RASA2: variants seen among roughly 807,000 people sequenced by gnomAD.
The protein encoded by RASA2 is RAS p21 protein activator 2, also known as ras GTPase-activating protein 2.
Under a neutral mutation model 118.2 loss-of-function variants are expected in RASA2, and 155 were observed. That is an observed-to-expected ratio of 1.31 (90% CI 1.15 to 1.50). RASA2 has a LOEUF of 1.50. RASA2 is among the 40% of genes most tolerant of loss of function. The pLI is 0.00. For missense variants in RASA2, 1,016 were observed against 1,009.6 expected, an observed-to-expected ratio of 1.01 and a Z score of -0.09; for synonymous variants, 353 against 349.1, an observed-to-expected ratio of 1.01 and a Z score of -0.12.
chr3:141,500,730 A>G (rs1430555544), intron 1 of RASA2, among the ~76,000 whole-genome samples: 1 of 152,226 alleles, frequency 6.6e-6, no homozygotes, highest in Non-Finnish European at 1.5e-5. Context: ...ATTCATACTT[A>G]CATGTATATC....
At chr3:141,514,263 T>C (rs720663) in intron 2 of RASA2, among the ~76,000 whole-genome samples, 38,506 of 152,094 alleles carry the variant, frequency 0.25, 5,474 homozygotes, top group Non-Finnish European at 0.32. Context: ...TAAACAGATA[T>C]TTCAGAAAAG....
chr3:141,575,292 G>A (rs930524466), intron 14 of RASA2, among the ~76,000 whole-genome samples: 1 of 152,198 alleles, frequency 6.6e-6, no homozygotes, highest in African/African-American at 2.4e-5. Flanking sequence ...CTAAATTAGT[G>A]GGGCTGAGTT....
chr3:141,499,660 T>C (rs1382617797), intron 1 of RASA2, among the ~76,000 whole-genome samples: 2 of 152,100 alleles, frequency 1.3e-5, no homozygotes, highest in Non-Finnish European at 2.9e-5. Context: ...AGTGCAGTGG[T>C]GCGATCTCAG....
At chr3:141,578,202 A>G (rs895994395) in intron 15 of RASA2, among the ~76,000 whole-genome samples, 12 of 152,228 alleles carry the variant, frequency 7.9e-5, no homozygotes, top group African/African-American at 2.9e-4. Context: ...AACTTTTCCA[A>G]GCTCACACAA....
At chr3:141,562,874 T>C (rs565981072) in intron 9 of RASA2, among the ~76,000 whole-genome samples, 1 of 152,038 alleles carries the variant, frequency 6.6e-6, no homozygotes, top group Non-Finnish European at 1.5e-5. Context: ...GGTTTCACCA[T>C]GTTCACCAGG....
chr3:141,516,731 A>T (rs2082032838), intron 3 of RASA2, among the ~76,000 whole-genome samples: 1 of 150,776 alleles, frequency 6.6e-6, no homozygotes, highest in Non-Finnish European at 1.5e-5. Flanking sequence ...TTTCATATCT[A>T]GGTTCTCTAG....
Position 141,613,118 on chromosome 3 carries a change from A to G in RASA2, c.*805A>G, listed in dbSNP as rs2083677336. On this transcript the variant is annotated 3_prime_UTR_variant, in exon 24 of 24. Coordinates refer to ENST00000286364, the MANE Select transcript of RASA2 (RefSeq NM_006506.5). ...TCTTCAAAAAGAAAGTAAACAGGGA[A>G]TGAAGGTGGTGGGAAAATCACTTCA... is the stretch of plus-strand genomic sequence containing the variant. 1 of 152,200 alleles carries G rather than the reference A, an allele frequency of 6.6e-6. No individual in the cohort carries two copies. Among genetic ancestry groups the G allele is most frequent in the South Asian group, 2.1e-4 (1 of 4,822 alleles). 9.4% of individuals were successfully genotyped at this position (152,200 alleles called of 1,614,324 possible). A position where few individuals can be genotyped will look rare whatever the true frequency, so the allele number is the denominator to read the frequency against.
At chr3:141,544,162 C>T (rs572213365) in intron 5 of RASA2, among the ~76,000 whole-genome samples, 90 of 152,214 alleles carry the variant, frequency 5.9e-4, no homozygotes, top group African/African-American at 2.1e-3. Flanking sequence ...AGGTGTAAGC[C>T]ACCACGCCCA....
chr3:141,540,474 C>A, intron 4 of RASA2, 59 bp from the exon 5 acceptor site: 1 of 1,393,624 alleles, frequency 7.2e-7, no homozygotes, highest in South Asian at 1.2e-5. Flanking sequence ...AAGGCACATA[C>A]CTTTAATATT....
At chr3:141,590,475 A>G (rs994101312) in intron 19 of RASA2, among the ~76,000 whole-genome samples, 1 of 152,192 alleles carries the variant, frequency 6.6e-6, no homozygotes, top group African/African-American at 2.4e-5. Flanking sequence ...TGCAAGTGCT[A>G]TGTTTGTTTA....
At chr3:141,564,544 T>C (rs1400840788) in intron 9 of RASA2, among the ~76,000 whole-genome samples, 2 of 152,156 alleles carry the variant, frequency 1.3e-5, no homozygotes, top group African/African-American at 2.4e-5. Flanking sequence ...GGGTAGGGGA[T>C]TCTGGTCCAG....
At chr3:141,526,046 A>C (rs896996461) in intron 3 of RASA2, 4 of 152,194 alleles carry the variant, frequency 2.6e-5, no homozygotes, top group African/African-American at 9.7e-5. Context: ...GAAGGAGCAC[A>C]AACAGGCATG....
chr3:141,590,948 GTTAAA>G (rs2083277373), intron 19 of RASA2, among the ~76,000 whole-genome samples: 2 of 152,314 alleles, frequency 1.3e-5, no homozygotes, highest in South Asian at 4.1e-4. Flanking sequence ...AATCAGTAGA[GTTAAA>G]TTAACATGTA....
chr3:141,585,111 G>C (rs2083179669), intron 17 of RASA2, among the ~76,000 whole-genome samples: 1 of 152,128 alleles, frequency 6.6e-6, no homozygotes, highest in Non-Finnish European at 1.5e-5. Flanking sequence ...ATACTTTGGT[G>C]ATTCTTAACC....
At chr3:141,569,917 G>A (rs1444788923) in intron 9 of RASA2, among the ~76,000 whole-genome samples, 1 of 152,014 alleles carries the variant, frequency 6.6e-6, no homozygotes, top group African/African-American at 2.4e-5. Flanking sequence ...AATTCGCATA[G>A]GGTAGTGGCC....
In RASA2 at chr3:141,547,243, A is replaced by G. The variant is rs573365396; in HGVS notation, c.528-6614A>G. On this transcript the variant is annotated intron_variant, in intron 5 of 23. Transcript: ENST00000286364. ...TTTTTCTATTTCTGTGAAGAATGAC[A>G]TTGGTATTTCAGTAGGGATTGCATT... is the stretch of plus-strand genomic sequence containing the variant. Among the ~76,000 whole-genome samples, 3 of 152,028 alleles carry G rather than the reference A, an allele frequency of 2.0e-5. No individual in the cohort carries two copies. In the East Asian group the frequency reaches 5.8e-4, roughly 29 times the overall value.
At chr3:141,576,936 T>G in intron 14 of RASA2, 64 bp from the exon 15 acceptor site, 1 of 1,117,360 alleles carries the variant, frequency 8.9e-7, no homozygotes, top group Non-Finnish European at 1.3e-6. Flanking sequence ...CTATATTTTT[T>G]AATTTATCAT....
Position 141,573,221 on chromosome 3 carries a change from G to T in RASA2, c.1359G>T (p.Lys453Asn). The T allele has an allele frequency of 6.5e-7, 1 of 1,539,532 alleles. No individual in the cohort carries two copies. Among genetic ancestry groups the T allele is most frequent in the Non-Finnish European group, 8.7e-7 (1 of 1,153,388 alleles). ...LKEGDNVENN[K>N]ENLRYYVDKL... The stretch of plus-strand genomic sequence containing the variant: ...AGGGAGATAATGTAGAAAATAATAA[G>T]GTAAGTCCTTGTTATATTATTTATA... The change falls in exon 13 of 24, where the codon AAG becomes AAT. Residue 453 changes from lysine (K) to asparagine (N), a missense_variant and splice_region_variant. Around this residue, in one of 2 missense-constraint regions of RASA2, gnomAD observed 896 missense variants for 836.4 expected, o/e 1.07. Transcript: ENST00000286364.
chr3:141,558,996 T>C lies in RASA2; in HGVS notation c.761+34T>C, dbSNP rs754030197. ...CTTGGGGTTTTACAGAATTGCTTTT[T>C]TGTATACCAAAAGAAAATCCTAGAT... On this transcript the variant is annotated intron_variant, in intron 8 of 23. Transcript: ENST00000286364. The C allele has an allele frequency of 2.0e-6, 3 of 1,511,362 alleles. No individual in the cohort carries two copies. The South Asian group carries it at 3.6e-5, about 18-fold the overall frequency. The allele number at this position is 1,511,362 out of a possible 1,614,324, so 93.6% of individuals were successfully genotyped here.
Sources: gnomAD v4.1 joint callset for allele counts (sites outside exome capture counted in the v4.1 genomes callset) on GRCh38, gnomAD v4.1.1 for gene constraint, gnomAD v4.1.1 regional missense constraint, MANE v1.5 for transcripts, NCBI Gene and HGNC (gene_info 2026-07-23, HGNC 2026-07-21) for gene names.